Variants in KANSL1L observed in about 807,000 individuals in gnomAD.
The protein encoded by KANSL1L is KAT8 regulatory NSL complex subunit 1-like protein.
In KANSL1L, 25 loss-of-function variants were observed where a neutral mutation model predicts 108.6. The observed-to-expected ratio is 0.23, with a 90% CI of 0.17 to 0.32. KANSL1L has a LOEUF of 0.32. Ranked by LOEUF, KANSL1L falls within the 10% of genes least tolerant of loss-of-function variation. The pLI is 1.00. For synonymous variants in KANSL1L, 405 were observed against 395.1 expected (o/e 1.03, Z -0.30); for missense variants, 1,137 against 1,125.7 (o/e 1.01, Z -0.14).
At chr2:210,161,771 AATTTT>A (rs1207053534) in intron 1 of KANSL1L, among the ~76,000 whole-genome samples, 1 of 152,126 alleles carries the variant, frequency 6.6e-6, no homozygotes, top group African/African-American at 2.4e-5. Context: ...CATAGCTTTA[AATTTT>A]ATTTATTTTT....
At chr2:210,141,931 T>C (rs945315726) in intron 2 of KANSL1L, among the ~76,000 whole-genome samples, 27 of 152,140 alleles carry the variant, frequency 1.8e-4, no homozygotes, top group African/African-American at 6.5e-4. Flanking sequence ...CCTTTTAATG[T>C]GTAGTTAATT....
At chr2:210,050,901 A>T (rs781493591) in intron 6 of KANSL1L, among the ~76,000 whole-genome samples, 2 of 151,842 alleles carry the variant, frequency 1.3e-5, no homozygotes, top group Non-Finnish European at 2.9e-5. Flanking sequence ...ACACCACCAC[A>T]CCCAGCTAAT....
At chr2:210,057,562 G>T (rs928602958) in intron 6 of KANSL1L, among the ~76,000 whole-genome samples, 2 of 152,090 alleles carry the variant, frequency 1.3e-5, no homozygotes, top group Admixed American at 1.3e-4. Flanking sequence ...TTAGCCGGGC[G>T]TGGTGGCAGG....
chr2:210,099,677 C>A (rs1293083016), intron 4 of KANSL1L, among the ~76,000 whole-genome samples: 3 of 152,064 alleles, frequency 2.0e-5, no homozygotes, highest in Admixed American at 1.3e-4. Context: ...TGTCATTGTT[C>A]CACCTCCAAA....
rs1266896984 is a variant in KANSL1L at position 210,035,266 on chromosome 2, G to A, written c.2030-3720C>T. ...TTTGGTAAGTATAAACCCTTAAATT[G>A]GTTTTGTCTGGTATTCCTCATGATT... On this transcript the variant is annotated intron_variant, in intron 8 of 14. Coordinates refer to ENST00000281772, the MANE Select transcript of KANSL1L (RefSeq NM_152519.4). 2.6e-5 allele frequency: 4 copies of A among 152,066 alleles called. No individual in the cohort carries two copies. In the South Asian group the frequency reaches 8.3e-4, roughly 31 times the overall value. The allele number at this position is 152,066 out of a possible 1,614,324, so 9.4% of individuals were successfully genotyped here.
intron 11 of KANSL1L, among the ~76,000 whole-genome samples, chr2:210,027,713 C>T (rs1415588803): frequency 1.3e-5 from 2 of 152,112 alleles, no homozygotes; most frequent in East Asian, 1.9e-4. Context: ...TGTGAAAATA[C>T]CTACCATAGC....
chr2:210,082,685 G>T (rs1011242794), intron 5 of KANSL1L, among the ~76,000 whole-genome samples: 1 of 152,194 alleles, frequency 6.6e-6, no homozygotes, highest in African/African-American at 2.4e-5. Flanking sequence ...TCAAGGAATA[G>T]CAGCAAATAG....
intron 14 of KANSL1L, 57 bp downstream of exon 14, chr2:210,023,976 C>T: frequency 8.2e-7 from 1 of 1,213,644 alleles, no homozygotes; most frequent in Non-Finnish European, 1.1e-6. Context: ...GTAGTTTCTA[C>T]AAACAAGTAG....
rs958188451 is a variant in KANSL1L, at chr2:210,022,429, C to A, written c.*520G>T. 6.5e-6 allele frequency: 1 copy of A among 153,934 alleles called. No homozygotes were observed. Among genetic ancestry groups the A allele is most frequent in the African/African-American group, 2.4e-5 (1 of 41,418 alleles). 9.5% of individuals were successfully genotyped at this position (153,934 alleles called of 1,614,324 possible). On this transcript the variant is annotated 3_prime_UTR_variant, in exon 15 of 15. Coordinates refer to ENST00000281772, the MANE Select transcript of KANSL1L (RefSeq NM_152519.4). The stretch of plus-strand genomic sequence containing the variant: ...CATTTCATAGGGTAGTTCATACATG[C>A]ATTTCCAAGGGGAGTGGGTCATTGC...
intron 2 of KANSL1L, among the ~76,000 whole-genome samples, chr2:210,149,076 T>A (rs533932114): frequency 6.6e-6 from 1 of 152,186 alleles, no homozygotes; most frequent in Non-Finnish European, 1.5e-5. Context: ...ACAAGATACA[T>A]CTTGTGGCCC....
chr2:210,029,191 A>G (rs2093980650), intron 10 of KANSL1L: 1 of 450,552 alleles, frequency 2.2e-6, no homozygotes, highest in Non-Finnish European at 3.9e-6. Context: ...ATGTGTATTT[A>G]TGTGTGCAAG....
chr2:210,093,122 T>C (rs1433288958), intron 5 of KANSL1L, among the ~76,000 whole-genome samples: 1 of 152,162 alleles, frequency 6.6e-6, no homozygotes, highest in African/African-American at 2.4e-5. Context: ...CCAAGGGCTT[T>C]GACCTATGTT....
chr2:210,059,137 C>CA (rs71043969), intron 6 of KANSL1L, among the ~76,000 whole-genome samples: 5,825 of 71,264 alleles, frequency 0.082, 233 homozygotes, highest in African/African-American at 0.15. Flanking sequence ...GACTCCGTCT[C>CA]AAAAAAAAAA....
At chr2:210,095,095 A>T (rs2094724511) in intron 5 of KANSL1L, among the ~76,000 whole-genome samples, 1 of 152,082 alleles carries the variant, frequency 6.6e-6, no homozygotes, top group South Asian at 2.1e-4. Context: ...AATCTATTTC[A>T]TGCTACTCTT....
intron 1 of KANSL1L, among the ~76,000 whole-genome samples, chr2:210,158,048 T>C (rs903457691): frequency 6.6e-6 from 1 of 152,106 alleles, no homozygotes; most frequent in African/African-American, 2.4e-5. Context: ...CTGGGTGAGA[T>C]CTCTAGGGCT....
intron 8 of KANSL1L, among the ~76,000 whole-genome samples, chr2:210,037,120 A>C (rs1443365773): frequency 6.6e-6 from 1 of 152,164 alleles, no homozygotes; most frequent in African/African-American, 2.4e-5. Flanking sequence ...TCTAATCTCT[A>C]ATAGCATATA....
In KANSL1L at chr2:210,021,657, A is replaced by C. The variant is rs1191581516; in HGVS notation, c.*1292T>G. 4 of 152,532 alleles carry C rather than the reference A, an allele frequency of 2.6e-5. No individual in the cohort carries two copies. Among genetic ancestry groups the C allele is most frequent in the Non-Finnish European group, 4.4e-5 (3 of 67,966 alleles). The allele number at this position is 152,532 out of a possible 1,614,324, so 9.4% of individuals were successfully genotyped here. ...AATCTCTAACAAAAACTTAGTGTCA[A>C]ATCTCACAGATAAGGCCAAATGGCC... is the stretch of plus-strand genomic sequence containing the variant. On this transcript the variant is annotated 3_prime_UTR_variant, in exon 15 of 15. Transcript: ENST00000281772.
intron 6 of KANSL1L, among the ~76,000 whole-genome samples, chr2:210,065,092 G>A (rs1031145126): frequency 1.3e-5 from 2 of 151,356 alleles, no homozygotes; most frequent in Non-Finnish European, 2.9e-5. Context: ...TTAGGAGTTC[G>A]AGACCAGCAT....
chr2:210,063,827 G>C (rs533608754), intron 6 of KANSL1L: 1 of 152,096 alleles, frequency 6.6e-6, no homozygotes, highest in Non-Finnish European at 1.5e-5. Flanking sequence ...ATGAGACTTT[G>C]GACTGTGGAC....
Sources: gnomAD v4.1 joint callset for allele counts (sites outside exome capture counted in the v4.1 genomes callset) on GRCh38, gnomAD v4.1.1 for gene constraint, MANE v1.5 for transcripts, NCBI Gene and HGNC (gene_info 2026-07-23, HGNC 2026-07-21) for gene names.